Variants in IQCJ observed in about 807,000 individuals in gnomAD.
IQCJ encodes IQ motif containing J, also known as IQ domain-containing protein J.
In IQCJ, 9 loss-of-function variants were observed where a neutral mutation model predicts 11.0. The observed-to-expected ratio is 0.82, with a 90% CI of 0.49 to 1.43. IQCJ has a LOEUF of 1.43. Among genes scored for constraint, IQCJ ranks in the 40% most tolerant of loss-of-function variants. IQCJ has a pLI of 0.00. For synonymous variants in IQCJ, 55 were observed against 51.3 expected (o/e 1.07, Z -0.31); for missense variants, 146 against 133.2 (o/e 1.10, Z -0.47).
intron 1 of IQCJ, among the ~76,000 whole-genome samples, chr3:159,105,855 TATCATCGTA>T (rs1718223936): frequency 6.6e-6 from 1 of 152,130 alleles, no homozygotes; most frequent in Non-Finnish European, 1.5e-5. Context: ...GGACTTTGGA[TATCATCGTA>T]AGTGTAGCAG....
chr3:159,262,501 A>G (rs1272073242), intron 3 of IQCJ, 47 bp from the exon 4 acceptor site: 1 of 1,592,788 alleles, frequency 6.3e-7, no homozygotes. Flanking sequence ...CCATGATCCA[A>G]CAGTAATCAT....
At chr3:159,218,877 G>A (rs938136656) in intron 1 of IQCJ, among the ~76,000 whole-genome samples, 10 of 152,002 alleles carry the variant, frequency 6.6e-5, no homozygotes, top group South Asian at 2.1e-4. Flanking sequence ...GCAGGGCTTC[G>A]TTCCTTCCAG....
At chr3:159,122,569 T>G (rs1719438147) in intron 1 of IQCJ, among the ~76,000 whole-genome samples, 1 of 152,206 alleles carries the variant, frequency 6.6e-6, no homozygotes, top group Non-Finnish European at 1.5e-5. Flanking sequence ...CTGATAATAT[T>G]ATTTCCTTTT....
At chr3:159,094,827 TC>T (rs1459483640) in intron 1 of IQCJ, among the ~76,000 whole-genome samples, 1 of 151,946 alleles carries the variant, frequency 6.6e-6, no homozygotes, top group African/African-American at 2.4e-5. Context: ...TTCTTTATTA[TC>T]CATGTTGGTT....
intron 3 of IQCJ, among the ~76,000 whole-genome samples, chr3:159,258,134 C>T (rs1310613811): frequency 6.6e-6 from 1 of 152,228 alleles, no homozygotes; most frequent in Non-Finnish European, 1.5e-5. Flanking sequence ...ATAAACTCTG[C>T]TCTTTCCATG....
intron 1 of IQCJ, among the ~76,000 whole-genome samples, chr3:159,149,980 C>A (rs115824582): frequency 2.6e-5 from 4 of 152,292 alleles, no homozygotes; most frequent in Non-Finnish European, 4.4e-5. Context: ...TTTGTCTCTT[C>A]TTTGCACTGT....
At chr3:159,229,044 T>A (rs1004744764) in intron 1 of IQCJ, among the ~76,000 whole-genome samples, 1 of 152,204 alleles carries the variant, frequency 6.6e-6, no homozygotes, top group Admixed American at 6.5e-5. Context: ...TGTTATAGCC[T>A]CATCACATGA....
At chr3:159,160,518 T>A (rs913868519) in intron 1 of IQCJ, among the ~76,000 whole-genome samples, 17 of 151,782 alleles carry the variant, frequency 1.1e-4, no homozygotes, top group African/African-American at 3.4e-4. Context: ...TTTTTATTTT[T>A]TTATTTTATT....
chr3:159,236,268 G>GAAA (rs35351745), intron 1 of IQCJ, among the ~76,000 whole-genome samples: 12 of 113,088 alleles, frequency 1.1e-4, no homozygotes, highest in South Asian at 3.2e-4. Context: ...TGCTCCTTTT[G>GAAA]AAAAAAAAAA....
At chr3:159,101,181 A>T (rs1331437534) in intron 1 of IQCJ, among the ~76,000 whole-genome samples, 1 of 146,222 alleles carries the variant, frequency 6.8e-6, no homozygotes, top group African/African-American at 2.6e-5. Context: ...GAATTCCCTG[A>T]CCCCTTGCGC....
intron 3 of IQCJ, among the ~76,000 whole-genome samples, chr3:159,253,939 C>T (rs1349363184): frequency 6.6e-6 from 1 of 152,230 alleles, no homozygotes; most frequent in Non-Finnish European, 1.5e-5. Context: ...AAAAAGCTTG[C>T]CTCTGCATGA....
chr3:159,238,070 G>A (rs899916011), intron 1 of IQCJ, among the ~76,000 whole-genome samples: 4 of 152,098 alleles, frequency 2.6e-5, no homozygotes, highest in Non-Finnish European at 5.9e-5. Context: ...GTTGAATGGG[G>A]CAAAGGAAGG....
At chr3:159,261,339 A>AC (rs921949345) in intron 3 of IQCJ, among the ~76,000 whole-genome samples, 24 of 151,982 alleles carry the variant, frequency 1.6e-4, no homozygotes, top group African/African-American at 4.1e-4. Context: ...GTGTTCAGTG[A>AC]CCCCCCCTAT....
At chr3:159,150,583 A>AACACACACACACAC (rs373030886) in intron 1 of IQCJ, among the ~76,000 whole-genome samples, 145 of 146,178 alleles carry the variant, frequency 9.9e-4, no homozygotes, top group African/African-American at 3.5e-3. Flanking sequence ...CATTGTCCCC[A>AACACACACACACAC]ACACACACAC....
chr3:159,071,863 C>T (rs1370263586), intron 1 of IQCJ, among the ~76,000 whole-genome samples: 2 of 152,070 alleles, frequency 1.3e-5, no homozygotes, highest in African/African-American at 4.8e-5. Context: ...AAAACACTTA[C>T]TTCCCCTCAT....
chr3:159,265,162 T>G, downstream of IQCJ: 1 of 1,461,248 alleles, frequency 6.8e-7, no homozygotes, highest in Non-Finnish European at 9.4e-7. Flanking sequence ...ACTTTATATG[T>G]AGTTGTTTGG....
intron 1 of IQCJ, among the ~76,000 whole-genome samples, chr3:159,151,869 C>T (rs1018212687): frequency 3.3e-5 from 5 of 152,158 alleles, no homozygotes; most frequent in African/African-American, 7.2e-5. Flanking sequence ...CTCCCAACCT[C>T]GTGATCCGCC....
chr3:159,091,489 T>C (rs1204622218), intron 1 of IQCJ, among the ~76,000 whole-genome samples: 1 of 151,714 alleles, frequency 6.6e-6, no homozygotes, highest in East Asian at 1.9e-4. Context: ...TCCACCTTCA[T>C]GACCCAATCA....
intron 1 of IQCJ, among the ~76,000 whole-genome samples, chr3:159,184,295 T>A (rs1410192330): frequency 1.3e-5 from 2 of 152,180 alleles, no homozygotes; most frequent in African/African-American, 2.4e-5. Flanking sequence ...TTTCTCCAGA[T>A]CTTCCTGTGG....
Sources: gnomAD v4.1 joint callset for allele counts (sites outside exome capture counted in the v4.1 genomes callset) on GRCh38, gnomAD v4.1.1 for gene constraint, MANE v1.5 for transcripts, NCBI Gene and HGNC (gene_info 2026-07-23, HGNC 2026-07-21) for gene names.